The following MEF2A variants were observed in gnomAD, a reference collection of about 807,000 sequenced individuals.
MEF2A encodes the protein myocyte enhancer factor 2A, also known as myocyte-specific enhancer factor 2A.
MEF2A carries 28 observed loss-of-function variants against 55.8 expected under a neutral mutation model. The observed-to-expected ratio is 0.50, with a 90% CI of 0.37 to 0.69. The LOEUF is 0.69. Ranked by LOEUF, MEF2A falls within the 30% of genes least tolerant of loss-of-function variation. The pLI is 0.00. For synonymous variants in MEF2A, 239 were observed against 227.1 expected, an observed-to-expected ratio of 1.05 and a Z score of -0.47; for missense variants, 528 against 626.2, an observed-to-expected ratio of 0.84 and a Z score of 1.67.
At chr15:99,613,717 A>T in intron 2 of MEF2A, among the ~76,000 whole-genome samples, 1 of 152,326 alleles carries the variant, frequency 6.6e-6, no homozygotes, top group East Asian at 1.9e-4. Context: ...AGGAGGTCAG[A>T]ACTCTTAAAT....
Position 99,632,984 on chromosome 15 carries a change from T to A in MEF2A, c.-136T>A, listed in dbSNP as rs2043179939. The A allele has an allele frequency of 1.6e-6, 1 of 615,252 alleles. No individual in the cohort carries two copies. The highest frequency in any genetic ancestry group is 2.8e-6 in the Non-Finnish European group (1 of 357,242). 38.1% of individuals were successfully genotyped at this position (615,252 alleles called of 1,614,324 possible). A position where few individuals can be genotyped will look rare whatever the true frequency, so the allele number is the denominator to read the frequency against. ...AATTTGTGTTTTCTTTTAGATCTTG[T>A]AGAAAATTTCAGCTGTAGCCCTTGG... On this transcript the variant is annotated 5_prime_UTR_variant, in exon 3 of 12. Coordinates refer to ENST00000557942, the MANE Select transcript of MEF2A (RefSeq NM_001319206.4).
At chr15:99,693,189 G>A (rs146947608) in intron 8 of MEF2A, among the ~76,000 whole-genome samples, 1 of 152,282 alleles carries the variant, frequency 6.6e-6, no homozygotes, top group East Asian at 1.9e-4. Flanking sequence ...GGAAAAACCT[G>A]TAGGTCTATT....
chr15:99,628,925 T>G (rs2042464974), intron 2 of MEF2A, among the ~76,000 whole-genome samples: 2 of 152,086 alleles, frequency 1.3e-5, no homozygotes, highest in African/African-American at 4.8e-5. Flanking sequence ...TTTGTTTGCC[T>G]TAAAGTTGCC....
chr15:99,700,438 G>C (rs936063760), intron 8 of MEF2A, among the ~76,000 whole-genome samples: 3 of 151,768 alleles, frequency 2.0e-5, no homozygotes, highest in Admixed American at 2.0e-4. Flanking sequence ...CTTGAGCCCA[G>C]GAAGTCGAGG....
intron 4 of MEF2A, among the ~76,000 whole-genome samples, chr15:99,664,521 G>C (rs1193826386): frequency 1.3e-5 from 2 of 152,144 alleles, no homozygotes; most frequent in Non-Finnish European, 2.9e-5. Context: ...AACTGAATTG[G>C]TAACAATTTA....
chr15:99,693,490 C>G (rs1395162572), intron 8 of MEF2A, among the ~76,000 whole-genome samples: 1 of 151,938 alleles, frequency 6.6e-6, no homozygotes, highest in African/African-American at 2.4e-5. Context: ...AGCAAAAGAT[C>G]AAGAGAAAAA....
At chr15:99,700,061 T>C (rs2057166546) in intron 8 of MEF2A, among the ~76,000 whole-genome samples, 1 of 144,984 alleles carries the variant, frequency 6.9e-6, no homozygotes, top group South Asian at 2.3e-4. Flanking sequence ...GGTTTCGCCA[T>C]GTTGGCCAGG....
At chr15:99,617,965 A>G (rs1358807901) in intron 2 of MEF2A, among the ~76,000 whole-genome samples, 1 of 152,224 alleles carries the variant, frequency 6.6e-6, no homozygotes, top group Non-Finnish European at 1.5e-5. Context: ...TGTAAATTAC[A>G]TGTAAACATT....
At chr15:99,565,730 C>G (rs1019704291), upstream of MEF2A, 1 of 152,468 alleles carries the variant, frequency 6.6e-6, no homozygotes, top group Non-Finnish European at 1.5e-5. Context: ...TGTGGAATAG[C>G]GCCCGCTTCC....
chr15:99,567,870 T>A (rs1960413423), intron 1 of MEF2A, among the ~76,000 whole-genome samples: 1 of 152,164 alleles, frequency 6.6e-6, no homozygotes, highest in South Asian at 2.1e-4. Flanking sequence ...TTATTTTAAT[T>A]CTCAGTGAGC....
At chr15:99,697,794 A>T (rs1004097678) in intron 8 of MEF2A, among the ~76,000 whole-genome samples, 3 of 152,198 alleles carry the variant, frequency 2.0e-5, no homozygotes, top group South Asian at 2.1e-4. Context: ...ACAAAATTTT[A>T]AAAAAATACT....
At chr15:99,698,939 A>AG (rs1210061676) in intron 8 of MEF2A, among the ~76,000 whole-genome samples, 1 of 151,802 alleles carries the variant, frequency 6.6e-6, no homozygotes, top group Non-Finnish European at 1.5e-5. Context: ...CTTGCTGGCC[A>AG]GGCAGGGTGG....
chr15:99,598,317 G>A (rs1030248032), intron 1 of MEF2A, 113 bp from the exon 2 acceptor site: 1 of 152,164 alleles, frequency 6.6e-6, no homozygotes, highest in Non-Finnish European at 1.5e-5. Flanking sequence ...AACAGTATTT[G>A]TGGAGCTTTC....
At chr15:99,687,084 C>CTTTTTTTTATTTTTTTT (rs2054395090) in intron 7 of MEF2A, among the ~76,000 whole-genome samples, 1 of 67,748 alleles carries the variant, frequency 1.5e-5, no homozygotes, top group Non-Finnish European at 2.6e-5. Context: ...ATTAATTTTT[C>CTTTTTTTTATTTTTTTT]TTTTTTTTTT....
chr15:99,605,136 C>T (rs1373000525), intron 2 of MEF2A, among the ~76,000 whole-genome samples: 10 of 152,058 alleles, frequency 6.6e-5, no homozygotes, highest in African/African-American at 7.3e-5. Flanking sequence ...TTAGTAGCGA[C>T]GGGGTTTTGC....
intron 4 of MEF2A, among the ~76,000 whole-genome samples, chr15:99,653,259 C>A (rs2153526173): frequency 6.6e-6 from 1 of 152,164 alleles, no homozygotes; most frequent in South Asian, 2.1e-4. Context: ...TTTTGTGAAA[C>A]CTGGCACTTC....
intron 9 of MEF2A, among the ~76,000 whole-genome samples, chr15:99,703,672 G>C (rs1362074122): frequency 6.6e-6 from 1 of 152,038 alleles, no homozygotes; most frequent in Non-Finnish European, 1.5e-5. Context: ...TTTAAGGAAA[G>C]ATACAAAATA....
chr15:99,579,133 A>G (rs1965190016), intron 1 of MEF2A, among the ~76,000 whole-genome samples: 1 of 151,750 alleles, frequency 6.6e-6, no homozygotes, highest in African/African-American at 2.4e-5. Flanking sequence ...CTAATGTTGT[A>G]TTTTTTCCCA....
At chr15:99,565,471 G>A (rs912709318), upstream of MEF2A, 1 of 150,028 alleles carries the variant, frequency 6.7e-6, no homozygotes, top group African/African-American at 2.4e-5. Context: ...CCCGGGGGCT[G>A]GTCAGGGAGG....
Sources: gnomAD v4.1 joint callset for allele counts (sites outside exome capture counted in the v4.1 genomes callset) on GRCh38, gnomAD v4.1.1 for gene constraint, MANE v1.5 for transcripts, NCBI Gene and HGNC (gene_info 2026-07-23, HGNC 2026-07-21) for gene names.